The following SCAPER variants were observed in gnomAD, a reference collection of about 807,000 sequenced individuals.
SCAPER encodes the protein S-phase cyclin A associated protein in the ER, also known as S phase cyclin A-associated protein in the endoplasmic reticulum.
Under a neutral mutation model 182.2 loss-of-function variants are expected in SCAPER, and 98 were observed. The ratio of observed to expected loss-of-function variants is 0.54; its 90% CI spans 0.46 to 0.64. SCAPER has a LOEUF of 0.64. Among genes scored for constraint, SCAPER ranks in the 30% least tolerant of loss-of-function variants. The pLI is 0.00. For missense variants in SCAPER, 1,432 were observed against 1,690.0 expected, an observed-to-expected ratio of 0.85 and a Z score of 2.68; for synonymous variants, 605 against 564.6, an observed-to-expected ratio of 1.07 and a Z score of -1.01.
chr15:76,660,437 C>T (rs966129879), intron 21 of SCAPER, among the ~76,000 whole-genome samples: 1 of 151,992 alleles, frequency 6.6e-6, no homozygotes, highest in Non-Finnish European at 1.5e-5. Context: ...GGTGTGCTCC[C>T]CTCTTCTCTA....
chr15:76,608,446 T>A (rs572315587), intron 22 of SCAPER, among the ~76,000 whole-genome samples: 1 of 152,302 alleles, frequency 6.6e-6, no homozygotes, highest in South Asian at 2.1e-4. Context: ...TGCCTCCCAG[T>A]TAGGCTACTC....
chr15:76,604,027 A>C (rs1262539095), intron 22 of SCAPER, among the ~76,000 whole-genome samples: 2 of 120,416 alleles, frequency 1.7e-5, no homozygotes, highest in East Asian at 4.4e-4. Context: ...TCTTTAGTTT[A>C]ATTAGATCCC....
At chr15:76,740,890 G>A (rs1316444892) in intron 15 of SCAPER, among the ~76,000 whole-genome samples, 1 of 152,192 alleles carries the variant, frequency 6.6e-6, no homozygotes, top group East Asian at 1.9e-4. Flanking sequence ...AATAATTATT[G>A]TGGAAAGATT....
intron 27 of SCAPER, chr15:76,385,180 G>A (rs2043217494): frequency 6.6e-6 from 1 of 152,178 alleles, no homozygotes; most frequent in African/African-American, 2.4e-5. Flanking sequence ...TACCTTAAAG[G>A]AGAGTACAGC....
intron 26 of SCAPER, among the ~76,000 whole-genome samples, chr15:76,409,949 G>A (rs2142203322): frequency 6.6e-6 from 1 of 150,904 alleles, no homozygotes; most frequent in East Asian, 1.9e-4. Flanking sequence ...CATCAGGCCT[G>A]GCTAATTTTT....
intron 15 of SCAPER, among the ~76,000 whole-genome samples, chr15:76,739,256 T>C (rs756294764): frequency 2.7e-4 from 41 of 152,326 alleles, no homozygotes; most frequent in Non-Finnish European, 5.4e-4. Flanking sequence ...TGTACAAATT[T>C]ATTTTTCCTT....
intron 23 of SCAPER, among the ~76,000 whole-genome samples, chr15:76,512,582 C>G (rs1331409854): frequency 6.6e-6 from 1 of 151,864 alleles, no homozygotes; most frequent in Non-Finnish European, 1.5e-5. Flanking sequence ...GAAACTGGGT[C>G]AGCACTGCAG....
At chr15:76,552,547 G>C (rs1327081587) in intron 23 of SCAPER, among the ~76,000 whole-genome samples, 1 of 152,086 alleles carries the variant, frequency 6.6e-6, no homozygotes, top group Non-Finnish European at 1.5e-5. Flanking sequence ...GAGTTGAATA[G>C]GTAAGCACTG....
chr15:76,619,795 A>G (rs868589214), intron 22 of SCAPER, among the ~76,000 whole-genome samples: 29 of 152,234 alleles, frequency 1.9e-4, no homozygotes, highest in Middle Eastern at 6.8e-3. Context: ...TTACTCTTAA[A>G]GGTCGGGCAC....
intron 21 of SCAPER, among the ~76,000 whole-genome samples, chr15:76,652,408 T>G (rs2055223884): frequency 2.0e-5 from 1 of 49,092 alleles, no homozygotes; most frequent in Admixed American, 2.7e-4. Flanking sequence ...ATATAGCACT[T>G]TGGAAGGCTG....
intron 22 of SCAPER, among the ~76,000 whole-genome samples, chr15:76,604,774 T>C (rs1038585356): frequency 6.6e-5 from 10 of 151,916 alleles, no homozygotes; most frequent in Middle Eastern, 3.4e-3. Flanking sequence ...AGGTATTTTA[T>C]TCTCTTTGAA....
intron 15 of SCAPER, among the ~76,000 whole-genome samples, chr15:76,748,851 C>A (rs7167613): frequency 0.48 from 72,053 of 151,294 alleles, 18,383 homozygotes; most frequent in Middle Eastern, 0.63. Flanking sequence ...TAAATTAAAG[C>A]AATAAAACTT....
At chr15:76,800,399 C>T in intron 6 of SCAPER, 35 bp from the exon 7 acceptor site, 1 of 1,304,012 alleles carries the variant, frequency 7.7e-7, no homozygotes, top group Non-Finnish European at 1.1e-6. Flanking sequence ...ATTAAATTAA[C>T]AGAGAAAAGG....
At chr15:76,831,713 A>G (rs547329912) in intron 5 of SCAPER, among the ~76,000 whole-genome samples, 40 of 152,122 alleles carry the variant, frequency 2.6e-4, no homozygotes, top group African/African-American at 9.6e-4. Context: ...ACCCCACCGG[A>G]GCATATTTGC....
chr15:76,592,618 A>C (rs2049208122), intron 22 of SCAPER, among the ~76,000 whole-genome samples: 1 of 122,690 alleles, frequency 8.2e-6, no homozygotes, highest in African/African-American at 2.5e-5. Context: ...CAACTGAGGT[A>C]CCTGGCTCAT....
intron 25 of SCAPER, among the ~76,000 whole-genome samples, chr15:76,463,434 C>T (rs2049347128): frequency 6.6e-6 from 1 of 152,114 alleles, no homozygotes; most frequent in Admixed American, 6.6e-5. Flanking sequence ...TGTTTGTATC[C>T]AGGGCTTTCT....
intron 8 of SCAPER, among the ~76,000 whole-genome samples, chr15:76,788,055 T>C (rs1345903179): frequency 1.3e-5 from 2 of 152,146 alleles, no homozygotes; most frequent in African/African-American, 2.4e-5. Context: ...GAAGAAGATA[T>C]ACAATGGGCA....
At chr15:76,801,105 T>C (rs561112381) in intron 6 of SCAPER, among the ~76,000 whole-genome samples, 1 of 152,342 alleles carries the variant, frequency 6.6e-6, no homozygotes, top group East Asian at 1.9e-4. Flanking sequence ...AAATTATACG[T>C]TTATTATCAT....
chr15:76,875,958 G>A (rs906775208), intron 2 of SCAPER, among the ~76,000 whole-genome samples: 2 of 152,194 alleles, frequency 1.3e-5, no homozygotes, highest in Non-Finnish European at 2.9e-5. Context: ...CGGGCTGCAG[G>A]TCCCGAGCCC....
Sources: gnomAD v4.1 joint callset for allele counts (sites outside exome capture counted in the v4.1 genomes callset) on GRCh38, gnomAD v4.1.1 for gene constraint, MANE v1.5 for transcripts, NCBI Gene and HGNC (gene_info 2026-07-23, HGNC 2026-07-21) for gene names.